The following TSPAN15 variants were observed in gnomAD, a reference collection of about 807,000 sequenced individuals.
TSPAN15 encodes tetraspanin-15.
Under a neutral mutation model 34.5 loss-of-function variants are expected in TSPAN15, and 20 were observed. The observed-to-expected ratio is 0.58, with a 90% CI of 0.41 to 0.84. The LOEUF (loss-of-function observed/expected upper bound fraction) is 0.84. Ranked by LOEUF, TSPAN15 falls within the 40% of genes least tolerant of loss-of-function variation. TSPAN15 has a pLI of 0.00. For missense variants in TSPAN15, 313 were observed against 386.1 expected (o/e 0.81, Z 1.59); for synonymous variants, 155 against 153.9 (o/e 1.01, Z -0.05).
chr10:69,539,523 G>A, the TSPAN15 span, among the ~76,000 whole-genome samples: 1 of 115,532 alleles, frequency 8.7e-6, no homozygotes, highest in Non-Finnish European at 1.9e-5. Flanking sequence ...AGAAGAAGAA[G>A]AAGAAGAAGA....
chr10:69,529,714 C>T, the TSPAN15 span, among the ~76,000 whole-genome samples: 2 of 147,412 alleles, frequency 1.4e-5, no homozygotes, highest in Non-Finnish European at 3.0e-5. Flanking sequence ...TTATTTCAAT[C>T]ATTTTTGGGG....
chr10:69,544,400 T>C, the TSPAN15 span, among the ~76,000 whole-genome samples: 1 of 151,732 alleles, frequency 6.6e-6, no homozygotes, highest in Non-Finnish European at 1.5e-5. Context: ...AGGGTGGGAG[T>C]GATGGGATGG....
At chr10:69,510,530 A>G (rs1842404000), downstream of TSPAN15, among the ~76,000 whole-genome samples, 1 of 152,214 alleles carries the variant, frequency 6.6e-6, no homozygotes, top group African/African-American at 2.4e-5. Flanking sequence ...AACAGAGACA[A>G]TTTGACTTCC....
At chr10:69,486,133 G>A (rs1220142315) in intron 3 of TSPAN15, among the ~76,000 whole-genome samples, 4 of 152,262 alleles carry the variant, frequency 2.6e-5, no homozygotes, top group Non-Finnish European at 5.9e-5. Flanking sequence ...GAATGCCTGT[G>A]AAGGACTGGG....
At position 69,506,382 on chromosome 10, in the gene TSPAN15, C is replaced by A. The variant is rs1450873042; in HGVS notation, c.735+142C>A. 3 of 742,472 alleles carry A rather than the reference C, an allele frequency of 4.0e-6. No individual in the cohort carries two copies. The highest frequency in any genetic ancestry group is 6.7e-6 in the Non-Finnish European group (3 of 448,180). The allele number at this position is 742,472 out of a possible 1,614,324, so 46.0% of individuals were successfully genotyped here. Reference sequence around the variant, plus strand: ...AGGGCTGCATGGCTGGAAGGAGGGGCAAATGGCAATAGCAGTCGTGGCGAA... The same window carrying A: ...AGGGCTGCATGGCTGGAAGGAGGGGAAAATGGCAATAGCAGTCGTGGCGAA... On this transcript the variant is annotated intron_variant, in intron 7 of 7. Transcript: ENST00000373290. The surrounding 1 kb of genome is among the most constrained non-coding windows in gnomAD (Gnocchi z 4.7).
chr10:69,463,803 C>A (rs1453256242), intron 1 of TSPAN15, among the ~76,000 whole-genome samples: 24 of 123,416 alleles, frequency 1.9e-4, no homozygotes, highest in African/African-American at 7.1e-4. Flanking sequence ...AGTGAGACTC[C>A]GTCTCAAAAA....
the TSPAN15 span, among the ~76,000 whole-genome samples, chr10:69,543,743 A>G: frequency 6.6e-6 from 1 of 152,014 alleles, no homozygotes; most frequent in East Asian, 1.9e-4. Context: ...CAAGCTAACA[A>G]GGGGAGAAAT....
intron 3 of TSPAN15, chr10:69,495,202 C>T (rs149516016): frequency 2.4e-3 from 421 of 177,018 alleles, no homozygotes; most frequent in African/African-American, 9.3e-3. Context: ...AGCGTGGGCC[C>T]ATCCCTGGGC....
At chr10:69,481,653 C>T (rs7080740) in intron 1 of TSPAN15, among the ~76,000 whole-genome samples, 9,466 of 152,228 alleles carry the variant, frequency 0.062, 1,022 homozygotes, top group African/African-American at 0.22. Flanking sequence ...GCGGCCTCCT[C>T]GGTGTTTTGC....
intron 1 of TSPAN15, among the ~76,000 whole-genome samples, chr10:69,456,026 G>A (rs1302867791): frequency 6.6e-6 from 1 of 151,570 alleles, no homozygotes; most frequent in Non-Finnish European, 1.5e-5. Context: ...TTATTAAATT[G>A]TCCTATATAG....
intron 1 of TSPAN15, among the ~76,000 whole-genome samples, chr10:69,468,780 AT>A (rs1446964730): frequency 5.3e-5 from 8 of 151,830 alleles, no homozygotes; most frequent in Admixed American, 1.3e-4. Context: ...AAAAAAAAAA[AT>A]CACCATGAAA....
chr10:69,484,037 C>T, intron 2 of TSPAN15, 161 bp downstream of exon 2: 2 of 611,838 alleles, frequency 3.3e-6, no homozygotes, highest in African/African-American at 1.8e-5. Flanking sequence ...CCCAAGAATG[C>T]CCAGGCCACC....
At chr10:69,500,147 T>C (rs1044169361) in intron 5 of TSPAN15, among the ~76,000 whole-genome samples, 11 of 152,040 alleles carry the variant, frequency 7.2e-5, no homozygotes, top group African/African-American at 2.7e-4. Flanking sequence ...TCCAGGAAGG[T>C]GCTCTTGGAT....
At chr10:69,523,043 TAG>T in the TSPAN15 span, among the ~76,000 whole-genome samples, 1 of 148,064 alleles carries the variant, frequency 6.8e-6, no homozygotes, top group African/African-American at 2.5e-5. Context: ...AAGAGTTTTA[TAG>T]TTTTAGCTCT....
chr10:69,503,081 C>T (rs1842243623), intron 5 of TSPAN15, among the ~76,000 whole-genome samples: 1 of 152,214 alleles, frequency 6.6e-6, no homozygotes, highest in Admixed American at 6.5e-5. Context: ...CACCTGCTCT[C>T]CAGGCCTGAC....
chr10:69,526,334 C>T, the TSPAN15 span, among the ~76,000 whole-genome samples: 1 of 148,222 alleles, frequency 6.7e-6, no homozygotes, highest in Non-Finnish European at 1.5e-5. Context: ...TGACTCAGTA[C>T]AACTCAATAA....
intron 1 of TSPAN15, among the ~76,000 whole-genome samples, chr10:69,465,126 CTG>C (rs1841356002): frequency 6.6e-6 from 1 of 152,230 alleles, no homozygotes; most frequent in African/African-American, 2.4e-5. Flanking sequence ...TGCAGACATT[CTG>C]TGATCTGGGT....
At position 69,506,063 on chromosome 10, in the gene TSPAN15, G is replaced by C. The variant is rs1842318874; in HGVS notation, c.619-61G>C. On this transcript the variant is annotated intron_variant, in intron 6 of 7. Transcript: ENST00000373290. This position sits in a 1 kb window ranked among gnomAD's most constrained non-coding sequence, Gnocchi z 4.7. ...GGACCTTGTGTACATGGCAGAGTCGGGGCTGTGGCTCCTGCCAGCCGAGGT... is the reference window on the plus strand; with the variant it reads ...GGACCTTGTGTACATGGCAGAGTCGCGGCTGTGGCTCCTGCCAGCCGAGGT... 1 of 1,439,954 alleles carries C rather than the reference G, an allele frequency of 6.9e-7. No individual in the cohort carries two copies. The highest frequency in any genetic ancestry group is 1.2e-5 in the South Asian group (1 of 84,520). 89.2% of individuals were successfully genotyped at this position (1,439,954 alleles called of 1,614,324 possible).
chr10:69,515,341 G>A, the TSPAN15 span, among the ~76,000 whole-genome samples: 1 of 152,156 alleles, frequency 6.6e-6, no homozygotes, highest in South Asian at 2.1e-4. Context: ...CTGGGTCCCT[G>A]CTCTAGTCAG....
Sources: gnomAD v4.1 joint callset for allele counts (sites outside exome capture counted in the v4.1 genomes callset) on GRCh38, gnomAD v4.1.1 for gene constraint, Gnocchi (gnomAD v3.1) non-coding constraint, MANE v1.5 for transcripts, NCBI Gene and HGNC (gene_info 2026-07-23, HGNC 2026-07-21) for gene names.